Variants in DMD observed in about 807,000 individuals in gnomAD.
The protein encoded by DMD is dystrophin.
A neutral mutation model predicts 330.1 loss-of-function variants in DMD; 63 were observed. The observed-to-expected ratio is 0.19, with a 90% CI of 0.16 to 0.24. The LOEUF is 0.24. DMD is among the 10% of genes least tolerant of loss of function. The pLI, the probability that DMD is intolerant of heterozygous loss-of-function variation, is 1.00. For synonymous variants in DMD, 1,223 were observed against 959.8 expected (o/e 1.27, Z -5.07); for missense variants, 3,344 against 2,684.1 (o/e 1.25, Z -5.43).
At chrX:32,844,437 GAAAAGAA>G (rs2080468926) in intron 4 of DMD, among the ~76,000 whole-genome samples, 1 of 107,636 alleles carries the variant, frequency 9.3e-6, no homozygotes, top group Non-Finnish European at 1.9e-5. Context: ...GAAAAGAAAA[GAAAAGAA>G]AAAAGAAAAA....
At chrX:32,768,698 A>G (rs973605997) in intron 7 of DMD, among the ~76,000 whole-genome samples, 1 of 112,077 alleles carries the variant, frequency 8.9e-6, no homozygotes, top group Non-Finnish European at 1.9e-5. Flanking sequence ...ATTGAATCTA[A>G]TGGATATTTT....
At chrX:32,619,788 G>A (rs1260926853) in intron 11 of DMD, among the ~76,000 whole-genome samples, 1 of 111,461 alleles carries the variant, frequency 9.0e-6, no homozygotes, top group Admixed American at 9.6e-5. Flanking sequence ...CGATAGTGAA[G>A]GAGCCAGGAC....
intron 44 of DMD, among the ~76,000 whole-genome samples, chrX:31,978,932 T>G (rs2095456870): frequency 8.9e-6 from 1 of 112,240 alleles, no homozygotes. Context: ...GAATACATTT[T>G]CAAGCAAAAG....
intron 74 of DMD, among the ~76,000 whole-genome samples, chrX:31,156,515 T>A (rs1011022730): frequency 1.8e-5 from 2 of 111,544 alleles, no homozygotes; most frequent in African/African-American, 6.5e-5. Flanking sequence ...TGGTCTTGGA[T>A]TCAGAAGATC....
chrX:32,292,302 C>T (rs372776868), intron 42 of DMD, among the ~76,000 whole-genome samples: 838 of 62,527 alleles, frequency 0.013, 5 homozygotes, highest in East Asian at 0.02. Context: ...AGGGAATATT[C>T]TTTTTTTTTT....
At chrX:32,993,192 C>A in intron 2 of DMD, among the ~76,000 whole-genome samples, 1 of 111,634 alleles carries the variant, frequency 9.0e-6, no homozygotes, top group Admixed American at 9.5e-5. Flanking sequence ...CTTTAGAACC[C>A]GGATTTGTGA....
chrX:32,277,390 C>G (rs778248722), intron 43 of DMD, among the ~76,000 whole-genome samples: 1 of 110,762 alleles, frequency 9.0e-6, no homozygotes, highest in African/African-American at 3.3e-5. Flanking sequence ...AACAACCCCA[C>G]TTTCAACATT....
chrX:32,984,381 A>G (rs1212499764), intron 2 of DMD, among the ~76,000 whole-genome samples: 1 of 111,759 alleles, frequency 8.9e-6, no homozygotes, highest in Non-Finnish European at 1.9e-5. Flanking sequence ...CAGCCTCCCA[A>G]GTAGCTGGGA....
At chrX:31,327,827 C>A (rs2056875410) in intron 61 of DMD, among the ~76,000 whole-genome samples, 1 of 112,424 alleles carries the variant, frequency 8.9e-6, no homozygotes. Flanking sequence ...CAGCATAATG[C>A]ATAATCCATA....
intron 54 of DMD, among the ~76,000 whole-genome samples, chrX:31,642,128 ATAT>A (rs1194924458): frequency 2.7e-5 from 3 of 112,028 alleles, no homozygotes; most frequent in African/African-American, 9.7e-5. Flanking sequence ...ACATTCTTTA[ATAT>A]TATTGAGAAA....
intron 2 of DMD, among the ~76,000 whole-genome samples, chrX:32,874,117 T>C (rs1418066313): frequency 1.8e-5 from 2 of 112,031 alleles, no homozygotes; most frequent in Non-Finnish European, 3.8e-5. Flanking sequence ...GCAGCTGTCA[T>C]ACCAAATTTT....
intron 34 of DMD, among the ~76,000 whole-genome samples, chrX:32,375,186 T>C (rs1407528662): frequency 9.0e-6 from 1 of 110,949 alleles, no homozygotes; most frequent in African/African-American, 3.3e-5. Context: ...CACAAGGAAA[T>C]CATTGATAAG....
chrX:32,393,038 G>A (rs1171791079), intron 30 of DMD, among the ~76,000 whole-genome samples: 5 of 112,091 alleles, frequency 4.5e-5, no homozygotes, highest in South Asian at 7.4e-4. Flanking sequence ...TTCTCAACAC[G>A]CAAAACCATT....
intron 2 of DMD, among the ~76,000 whole-genome samples, chrX:33,013,761 T>A (rs1236354763): frequency 1.3e-4 from 15 of 112,773 alleles, no homozygotes; most frequent in Non-Finnish European, 3.8e-5. Context: ...CATCCTTTTT[T>A]AAAAACTTCT....
intron 19 of DMD, among the ~76,000 whole-genome samples, chrX:32,494,688 A>T (rs1018600974): frequency 8.9e-6 from 1 of 111,761 alleles, no homozygotes; most frequent in South Asian, 3.7e-4. Flanking sequence ...GAAAAAGAAT[A>T]TTCAGAAAAC....
At chrX:32,583,146 G>C (rs973442197) in intron 13 of DMD, among the ~76,000 whole-genome samples, 6 of 111,780 alleles carry the variant, frequency 5.4e-5, no homozygotes, top group Admixed American at 1.9e-4. Context: ...TAATTCAGTA[G>C]TCTTGAATAA....
chrX:32,892,677 G>GT (rs2085329043), intron 2 of DMD, among the ~76,000 whole-genome samples: 1 of 111,976 alleles, frequency 8.9e-6, no homozygotes, highest in South Asian at 3.7e-4. Context: ...GATTACAGGC[G>GT]TGAGCCACCC....
intron 2 of DMD, among the ~76,000 whole-genome samples, chrX:32,937,755 T>C (rs1414896809): frequency 9.1e-6 from 1 of 109,623 alleles, no homozygotes; most frequent in Non-Finnish European, 1.9e-5. Context: ...ACAACCTGTA[T>C]CTGAACACGA....
At chrX:32,855,695 C>T (rs1481161142) in intron 2 of DMD, among the ~76,000 whole-genome samples, 1 of 111,893 alleles carries the variant, frequency 8.9e-6, no homozygotes, top group Non-Finnish European at 1.9e-5. Context: ...AATCTAAGGC[C>T]TCAAACTATG....
Sources: gnomAD v4.1 joint callset for allele counts (sites outside exome capture counted in the v4.1 genomes callset) on GRCh38, gnomAD v4.1.1 for gene constraint, MANE v1.5 for transcripts, NCBI Gene and HGNC (gene_info 2026-07-23, HGNC 2026-07-21) for gene names.